The following TSHZ2 variants were observed in gnomAD, a reference collection of about 807,000 sequenced individuals.
TSHZ2 encodes the protein teashirt zinc finger homeobox 2, also known as teashirt homolog 2.
In TSHZ2, 21 loss-of-function variants were observed where a neutral mutation model predicts 74.4. The ratio of observed to expected loss-of-function variants is 0.28; its 90% confidence interval spans 0.20 to 0.41. The LOEUF is 0.41. Among genes scored for constraint, TSHZ2 ranks in the 10% least tolerant of loss-of-function variants. TSHZ2 has a pLI of 1.00. For missense variants in TSHZ2, 1,244 were observed against 1,293.5 expected, an observed-to-expected ratio of 0.96 and a Z score of 0.59; for synonymous variants, 540 against 515.3, an observed-to-expected ratio of 1.05 and a Z score of -0.65.
At chr20:53,050,124 T>TATATACAC (rs1409158633) in intron 1 of TSHZ2, among the ~76,000 whole-genome samples, 6 of 107,234 alleles carry the variant, frequency 5.6e-5, no homozygotes, top group African/African-American at 3.9e-4. Context: ...TATATATATA[T>TATATACAC]ACACATATAT....
intron 1 of TSHZ2, among the ~76,000 whole-genome samples, chr20:53,249,688 G>C (rs1007776446): frequency 1.3e-5 from 2 of 152,144 alleles, no homozygotes; most frequent in African/African-American, 4.8e-5. Context: ...GTCAAGGAGG[G>C]GCAAGTAGAT....
intron 2 of TSHZ2, among the ~76,000 whole-genome samples, chr20:53,373,393 G>GT (rs570469327): frequency 6.6e-6 from 1 of 152,070 alleles, no homozygotes; most frequent in East Asian, 1.9e-4. Flanking sequence ...ATCATTCTGG[G>GT]TTTTTTTAAT....
chr20:53,029,029 T>C (rs911132680), intron 1 of TSHZ2, among the ~76,000 whole-genome samples: 7 of 152,220 alleles, frequency 4.6e-5, no homozygotes, highest in Non-Finnish European at 2.9e-5. Flanking sequence ...CAAAGGAATA[T>C]GGGTAAAACA....
chr20:53,299,959 C>T (rs1255759074), intron 2 of TSHZ2, among the ~76,000 whole-genome samples: 4 of 152,156 alleles, frequency 2.6e-5, no homozygotes, highest in African/African-American at 9.7e-5. Flanking sequence ...CACGTTTTTC[C>T]TCTCCAGGGT....
At chr20:53,172,266 A>G (rs1988221052) in intron 1 of TSHZ2, among the ~76,000 whole-genome samples, 1 of 152,236 alleles carries the variant, frequency 6.6e-6, no homozygotes, top group South Asian at 2.1e-4. Context: ...AGTATATGCT[A>G]CATGTGATCA....
At chr20:53,313,872 G>T (rs1978887369) in intron 2 of TSHZ2, among the ~76,000 whole-genome samples, 2 of 152,168 alleles carry the variant, frequency 1.3e-5, no homozygotes, top group African/African-American at 4.8e-5. Context: ...CTTAAACATA[G>T]AGATCGTGGG....
At chr20:53,065,705 A>G (rs1169586119) in intron 1 of TSHZ2, among the ~76,000 whole-genome samples, 1 of 152,246 alleles carries the variant, frequency 6.6e-6, no homozygotes, top group Non-Finnish European at 1.5e-5. Flanking sequence ...CCTTCCTCCC[A>G]GAAAATACTA....
At chr20:53,420,643 G>A (rs1230354202) in intron 2 of TSHZ2, among the ~76,000 whole-genome samples, 1 of 152,122 alleles carries the variant, frequency 6.6e-6, no homozygotes, top group Non-Finnish European at 1.5e-5. Context: ...TAGTAGTCCT[G>A]AGGCAGGAGA....
intron 1 of TSHZ2, among the ~76,000 whole-genome samples, chr20:53,138,193 T>C (rs1040728210): frequency 1.1e-4 from 17 of 152,098 alleles, no homozygotes; most frequent in African/African-American, 2.9e-4. Context: ...CCATCCTGGC[T>C]AACACGGTGA....
chr20:53,062,031 A>G (rs1251507756), intron 1 of TSHZ2, among the ~76,000 whole-genome samples: 1 of 152,184 alleles, frequency 6.6e-6, no homozygotes, highest in Non-Finnish European at 1.5e-5. Flanking sequence ...CTTTAAAAAA[A>G]GTAGGCCATA....
rs186140035 is a variant in TSHZ2 at position 53,109,266 on chromosome 20, T to G, written c.40+135933T>G. Among the ~76,000 whole-genome samples, 674 of 152,332 alleles carry G rather than the reference T, an allele frequency of 4.4e-3. 4 individuals are homozygous for G. The highest frequency in any genetic ancestry group is 6.8e-3 in the Middle Eastern group (2 of 294). On this transcript the variant is annotated intron_variant, in intron 1 of 2. Transcript: ENST00000371497. ...AGAGCTAAAGCTCTTAGAAGATTATTGGCCCACAGGAAGTGCTCATCTACT... is the reference window on the plus strand; with the variant it reads ...AGAGCTAAAGCTCTTAGAAGATTATGGGCCCACAGGAAGTGCTCATCTACT...
intron 1 of TSHZ2, among the ~76,000 whole-genome samples, chr20:53,129,711 C>T (rs1272355768): frequency 1.3e-5 from 2 of 152,116 alleles, no homozygotes; most frequent in Admixed American, 6.5e-5. Context: ...TCGGCGCTGA[C>T]GGTGCAAGTT....
intron 2 of TSHZ2, among the ~76,000 whole-genome samples, chr20:53,440,449 A>G (rs1453010407): frequency 6.6e-6 from 1 of 152,168 alleles, no homozygotes; most frequent in African/African-American, 2.4e-5. Flanking sequence ...TCATTGTCAC[A>G]TTTCTGTCGT....
intron 2 of TSHZ2, among the ~76,000 whole-genome samples, chr20:53,392,938 A>G (rs1415625152): frequency 6.6e-6 from 1 of 152,112 alleles, no homozygotes; most frequent in South Asian, 2.1e-4. Flanking sequence ...ATTTCAAGCA[A>G]TTCCCCTGCC....
At chr20:53,390,288 C>T (rs376124113) in intron 2 of TSHZ2, among the ~76,000 whole-genome samples, 6 of 152,106 alleles carry the variant, frequency 3.9e-5, no homozygotes, top group Non-Finnish European at 8.8e-5. Flanking sequence ...TTGGATGTCT[C>T]GCAGGGCCAG....
chr20:53,410,800 T>G (rs1019169998), intron 2 of TSHZ2, among the ~76,000 whole-genome samples: 1 of 151,734 alleles, frequency 6.6e-6, no homozygotes. Context: ...CTCAGCCTTT[T>G]GAGTAGCTGG....
chr20:53,406,990 A>C (rs1982876148), intron 2 of TSHZ2, among the ~76,000 whole-genome samples: 1 of 152,172 alleles, frequency 6.6e-6, no homozygotes, highest in Non-Finnish European at 1.5e-5. Context: ...GCCCCACTTC[A>C]GGGTCTCTCA....
chr20:53,410,141 C>T (rs1983002248), intron 2 of TSHZ2, among the ~76,000 whole-genome samples: 1 of 152,152 alleles, frequency 6.6e-6, no homozygotes, highest in South Asian at 2.1e-4. Context: ...GCCACCGTGC[C>T]TGGTTTTGTC....
At chr20:53,232,410 G>C (rs1989846177) in intron 1 of TSHZ2, among the ~76,000 whole-genome samples, 1 of 152,178 alleles carries the variant, frequency 6.6e-6, no homozygotes, top group African/African-American at 2.4e-5. Context: ...TGAGCTCCAA[G>C]GAGTTTACCA....
Sources: gnomAD v4.1 joint callset for allele counts (sites outside exome capture counted in the v4.1 genomes callset) on GRCh38, gnomAD v4.1.1 for gene constraint, MANE v1.5 for transcripts, NCBI Gene and HGNC (gene_info 2026-07-23, HGNC 2026-07-21) for gene names.